The following MYOM2 variants were observed in gnomAD, a reference collection of about 807,000 sequenced individuals.
The protein encoded by MYOM2 is myomesin-2.
In MYOM2, 254 loss-of-function variants were observed where a neutral mutation model predicts 187.6. The observed-to-expected ratio is 1.35, with a 90% confidence interval of 1.22 to 1.50. The LOEUF (loss-of-function observed/expected upper bound fraction) is 1.50. Ranked by LOEUF, MYOM2 falls within the 40% of genes most tolerant of loss-of-function variation. The pLI is 0.00. For synonymous variants in MYOM2, 981 were observed against 753.8 expected (o/e 1.30, Z -4.94); for missense variants, 2,796 against 1,924.0 (o/e 1.45, Z -8.48).
At chr8:2,086,368 TTGTGATCTCTGCGTGGCCTCC>T (rs1796051075) in intron 14 of MYOM2, among the ~76,000 whole-genome samples, 5 of 105,714 alleles carry the variant, frequency 4.7e-5, no homozygotes, top group African/African-American at 1.8e-4. Context: ...CCTCCCACTG[TTGTGATCTCTGCGTGGCCTCC>T]CACTGTTGTG....
In MYOM2 at chr8:2,071,133, C is replaced by T. The variant is rs1015002831; in HGVS notation, c.794-1212C>T. ...CAGGCGTGTGTCACCAAACCCGGCT[C>T]GTTTTTTCTTTATTTTTTTATTTTT... On this transcript the variant is annotated intron_variant, in intron 8 of 36. Transcript: ENST00000262113. Among the ~76,000 whole-genome samples the T allele has an allele frequency of 3.3e-5, 5 of 151,808 alleles. No individual in the cohort carries two copies. The South Asian group carries it at 6.3e-4, about 19-fold the overall frequency.
intron 32 of MYOM2, among the ~76,000 whole-genome samples, chr8:2,136,618 A>C (rs73657771): frequency 0.13 from 19,836 of 152,176 alleles, 2,195 homozygotes; most frequent in African/African-American, 0.28. Context: ...AGGCCAGTGA[A>C]GCAATTGTGT....
intron 32 of MYOM2, among the ~76,000 whole-genome samples, chr8:2,129,470 C>A (rs1303979399): frequency 1.3e-5 from 2 of 152,188 alleles, no homozygotes; most frequent in African/African-American, 4.8e-5. Flanking sequence ...ACAAATTTCT[C>A]TAGTGTCTCA....
chr8:2,141,027 T>G, intron 33 of MYOM2, 114 bp from the exon 34 acceptor site: 1 of 1,331,416 alleles, frequency 7.5e-7, no homozygotes, highest in Non-Finnish European at 1.0e-6. Flanking sequence ...AATAAATTTA[T>G]TCTTTTTTTA....
intron 28 of MYOM2, among the ~76,000 whole-genome samples, chr8:2,120,689 A>ATATATATATATTTTATAATAT: frequency 2.4e-5 from 1 of 42,416 alleles, no homozygotes; most frequent in African/African-American, 7.5e-5. Flanking sequence ...ATTATATATA[A>ATATATATATATTTTATAATAT]ATATATAATA....
At chr8:2,134,414 G>A (rs2116898469) in intron 32 of MYOM2, among the ~76,000 whole-genome samples, 1 of 152,330 alleles carries the variant, frequency 6.6e-6, no homozygotes, top group Middle Eastern at 3.4e-3. Flanking sequence ...ACTGGGTTAA[G>A]GCAATGTCTG....
intron 32 of MYOM2, among the ~76,000 whole-genome samples, chr8:2,131,115 A>C (rs1010835166): frequency 6.6e-6 from 1 of 152,124 alleles, no homozygotes; most frequent in Admixed American, 6.5e-5. Context: ...GATTAAACAC[A>C]CACCCACACA....
chr8:2,057,547 G>T, intron 4 of MYOM2, 61 bp downstream of exon 4: 2 of 1,612,960 alleles, frequency 1.2e-6, no homozygotes, highest in South Asian at 1.1e-5. Flanking sequence ...TAGCTTGTCT[G>T]CATGGTGCTT....
In MYOM2 at chr8:2,057,447, G is replaced by A. The variant is rs1818704636; in HGVS notation, c.363G>A (p.Gln121=). The stretch of plus-strand genomic sequence containing the variant: ...AGGATGTCCACCTGGCACGCTCCCA[G>A]GCCCGCGACAAGCTGGACAAATACG... ...LEEDVHLARS[Q]ARDKLDKYAI... Residue 121 remains glutamine (Q), a synonymous_variant, in exon 4 of 37, where the codon CAG becomes CAA. Transcript: ENST00000262113. 6.2e-7 allele frequency: 1 copy of A among 1,613,928 alleles called. No individual in the cohort carries two copies. The highest frequency in any genetic ancestry group is 8.5e-7 in the Non-Finnish European group (1 of 1,179,998).
rs754992187 is a variant in MYOM2 at position 2,073,335 on chromosome 8, T to G, written c.959-4T>G. On this transcript the variant is annotated splice_region_variant and splice_polypyrimidine_tract_variant and intron_variant, in intron 9 of 36. Transcript: ENST00000262113. The stretch of plus-strand genomic sequence containing the variant: ...GCAAACCTTCCGTGTTAACGCTCTT[T>G]CAGACGTGCTGTTGAAAGAGTCCAA... The G allele has an allele frequency of 1.2e-6, 2 of 1,601,676 alleles. No homozygotes were observed. Among genetic ancestry groups the G allele is most frequent in the Middle Eastern group, 1.7e-4 (1 of 6,000 alleles).
At chr8:2,104,159 T>C (rs1215477477) in intron 21 of MYOM2, among the ~76,000 whole-genome samples, 3 of 152,128 alleles carry the variant, frequency 2.0e-5, no homozygotes, top group African/African-American at 4.8e-5. Context: ...AAAAAGCTGT[T>C]GGTAATTTTC....
rs1354138564 is a variant in MYOM2, at chr8:2,123,585, G to T, written c.3598G>T (p.Ala1200Ser). 1 of 1,614,068 alleles carries T rather than the reference G, an allele frequency of 6.2e-7. No homozygotes were observed. Among genetic ancestry groups the T allele is most frequent in the African/African-American group, 1.3e-5 (1 of 74,924 alleles). ...AAAGAAGGACCACGGTGAATACAAG[G>T]CAACCTTGAAAGATGACAGAGGCCA... ...LSKKDHGEYK[A>S]TLKDDRGQDV... is the part of the protein sequence containing the mutation. The change falls in exon 30 of 37, where the codon GCA becomes TCA. Residue 1200 changes from alanine (A) to serine (S), a missense_variant. Coordinates refer to ENST00000262113, the MANE Select transcript of MYOM2 (RefSeq NM_003970.4).
Position 2,102,686 on chromosome 8 carries a change from G to A in MYOM2, c.2639G>A (p.Gly880Asp). 1 of 1,613,076 alleles carries A rather than the reference G, an allele frequency of 6.2e-7. No homozygotes were observed. Among genetic ancestry groups the A allele is most frequent in the Non-Finnish European group, 8.5e-7 (1 of 1,179,062 alleles). Reference sequence around the variant, plus strand: ...TTCAAGGTCTCTGACCTGCAGCAAGGTAAGACCTATGTCTTCAGGGTCCGG... The same window carrying A: ...TTCAAGGTCTCTGACCTGCAGCAAGATAAGACCTATGTCTTCAGGGTCCGG... ...RYLKVSDLQQ[G>D]KTYVFRVRAV... The change falls in exon 21 of 37, where the codon GGT becomes GAT. Residue 880 changes from glycine to aspartate, a missense_variant. Coordinates refer to ENST00000262113, the MANE Select transcript of MYOM2 (RefSeq NM_003970.4).
At chr8:2,074,747 G>A (rs533943577) in intron 10 of MYOM2, among the ~76,000 whole-genome samples, 48 of 152,226 alleles carry the variant, frequency 3.2e-4, no homozygotes, top group Middle Eastern at 3.4e-3. Context: ...GTGAGCCACC[G>A]CGCCCGGCCC....
At chr8:2,138,547 A>C (rs1798162110) in intron 32 of MYOM2, among the ~76,000 whole-genome samples, 1 of 152,210 alleles carries the variant, frequency 6.6e-6, no homozygotes, top group South Asian at 2.1e-4. Flanking sequence ...GTGAAGGGCT[A>C]AAGGGGTCAC....
Position 2,072,374 on chromosome 8 carries a change from C to T in MYOM2, c.823C>T (p.His275Tyr). The part of the protein sequence containing the change: ...LPLSSMIPYT[H>Y]FDVQFLEKFG... Reference sequence around the variant, plus strand: ...CCTGTCATCGATGATTCCGTACACGCACTTCGACGTCCAGTTTTTGGAGAA... The same window carrying T: ...CCTGTCATCGATGATTCCGTACACGTACTTCGACGTCCAGTTTTTGGAGAA... The change falls in exon 9 of 37, where the codon CAC (histidine) becomes TAC (tyrosine). Residue 275 changes from histidine (H) to tyrosine (Y), a missense_variant. Transcript: ENST00000262113. The T allele has an allele frequency of 6.2e-7, 1 of 1,613,820 alleles. No homozygotes were observed. Among genetic ancestry groups the T allele is most frequent in the Non-Finnish European group, 8.5e-7 (1 of 1,179,728 alleles).
At chr8:2,056,425 C>T (rs1417680628) in intron 3 of MYOM2, among the ~76,000 whole-genome samples, 1 of 152,118 alleles carries the variant, frequency 6.6e-6, no homozygotes, top group Non-Finnish European at 1.5e-5. Flanking sequence ...GTTTCCAGAG[C>T]ATCTCAGAGC....
At chr8:2,093,577 C>T (rs1300673975) in intron 16 of MYOM2, among the ~76,000 whole-genome samples, 1 of 152,206 alleles carries the variant, frequency 6.6e-6, no homozygotes, top group East Asian at 1.9e-4. Flanking sequence ...GTATTCGAGC[C>T]TAGTCCATCT....
At chr8:2,137,372 C>T (rs1323245074) in intron 32 of MYOM2, among the ~76,000 whole-genome samples, 2 of 151,818 alleles carry the variant, frequency 1.3e-5, no homozygotes, top group African/African-American at 2.4e-5. Flanking sequence ...TGACAAAAAT[C>T]GTCCCCTTCT....
Sources: allele counts gnomAD v4.1 joint callset (sites outside exome capture counted in the v4.1 genomes callset), GRCh38; gene constraint gnomAD v4.1.1; transcripts MANE v1.5; gene names NCBI Gene and HGNC (gene_info 2026-07-23, HGNC 2026-07-21).